Variants in SLCO1B3 observed in about 807,000 individuals in gnomAD.
SLCO1B3 encodes liver-specific organic anion transporter 2.
Under a neutral mutation model 71.8 loss-of-function variants are expected in SLCO1B3, and 72 were observed. The observed-to-expected ratio is 1.00, with a 90% confidence interval of 0.83 to 1.22. The LOEUF is 1.22. Ranked by LOEUF, SLCO1B3 falls within the 50% of genes most tolerant of loss-of-function variation. The pLI is 0.00. For synonymous variants in SLCO1B3, 298 were observed against 278.4 expected (o/e 1.07, Z -0.70); for missense variants, 911 against 819.7 (o/e 1.11, Z -1.36).
rs556554798 is a variant in SLCO1B3 at position 20,916,077 on chromosome 12, A to T, written c.1939A>T (p.Met647Leu). 6.2e-7 allele frequency: 1 copy of T among 1,612,314 alleles called. No individual in the cohort carries two copies. Among genetic ancestry groups the T allele is most frequent in the Non-Finnish European group, 8.5e-7 (1 of 1,178,562 alleles). The change falls in exon 16 of 16, where the codon ATG becomes TTG. Residue 647 changes from methionine (M) to leucine (L), a missense_variant. Met to Leu is a conservative substitution (Grantham distance 15). Transcript: ENST00000381545. ...LVLYIVFIFA[M>L]KKKFQGKDTK... Reference sequence around the variant, plus strand: ...TTTATATATTGTTTTCATTTTTGCTATGAAGAAAAAATTTCAAGGAAAAGA... The same window carrying T: ...TTTATATATTGTTTTCATTTTTGCTTTGAAGAAAAAATTTCAAGGAAAAGA...
intron 6 of SLCO1B3, among the ~76,000 whole-genome samples, chr12:20,861,482 C>G (rs562946963): frequency 6.6e-6 from 1 of 152,042 alleles, no homozygotes; most frequent in South Asian, 2.1e-4. Context: ...CTAGAACAAA[C>G]CTCCTAGTGT....
intron 4 of SLCO1B3, 84 bp downstream of exon 4, chr12:20,855,253 C>G (rs951609319): frequency 2.5e-6 from 3 of 1,177,138 alleles, no homozygotes; most frequent in Non-Finnish European, 2.4e-6. Flanking sequence ...ATCACTGGGT[C>G]TGGACTAGGT....
chr12:20,890,355 T>C (rs1490041799), intron 13 of SLCO1B3, among the ~76,000 whole-genome samples: 1 of 152,216 alleles, frequency 6.6e-6, no homozygotes, highest in Non-Finnish European at 1.5e-5. Context: ...TTTATTCCAC[T>C]GTACTCTGAA....
chr12:20,871,141 G>GT (rs1339500751), intron 8 of SLCO1B3, among the ~76,000 whole-genome samples: 1 of 152,038 alleles, frequency 6.6e-6, no homozygotes, highest in Admixed American at 6.6e-5. Context: ...TTGGCCTGTA[G>GT]TTTTTTTGAT....
intron 3 of SLCO1B3, among the ~76,000 whole-genome samples, chr12:20,848,100 G>A (rs1490193586): frequency 6.8e-6 from 1 of 146,424 alleles, no homozygotes; most frequent in East Asian, 2.0e-4. Context: ...TATTTAATAA[G>A]GGGCTGATAT....
chr12:20,840,574 G>A (rs1025360561), intron 3 of SLCO1B3, among the ~76,000 whole-genome samples: 7 of 151,884 alleles, frequency 4.6e-5, no homozygotes, highest in Admixed American at 3.9e-4. Context: ...GTATTTTTTA[G>A]TAGAGACGGG....
intron 3 of SLCO1B3, among the ~76,000 whole-genome samples, chr12:20,827,687 G>T (rs7976981): frequency 0.99 from 150,519 of 152,188 alleles, 74,442 homozygotes; most frequent in Middle Eastern, 1. Context: ...TTCTTCTGCC[G>T]CAGCCTCCCG....
intron 11 of SLCO1B3, 27 bp from the exon 12 acceptor site, chr12:20,880,828 T>G (rs955872586): frequency 3.3e-6 from 5 of 1,494,044 alleles, no homozygotes; most frequent in Non-Finnish European, 4.6e-6. Context: ...TCTCTTTTTT[T>G]GATATATTTC....
intron 10 of SLCO1B3, among the ~76,000 whole-genome samples, chr12:20,878,909 T>C (rs901515572): frequency 2.7e-5 from 4 of 146,212 alleles, no homozygotes; most frequent in African/African-American, 9.9e-5. Flanking sequence ...TTCTAAAGCC[T>C]GGGCAAAATT....
chr12:20,826,810 C>T (rs1234117757), intron 3 of SLCO1B3, among the ~76,000 whole-genome samples: 1 of 151,960 alleles, frequency 6.6e-6, no homozygotes, highest in Non-Finnish European at 1.5e-5. Context: ...GTTTCTTTCA[C>T]TTTGTTTCAT....
intron 8 of SLCO1B3, among the ~76,000 whole-genome samples, chr12:20,866,099 A>T (rs925226111): frequency 6.6e-6 from 1 of 152,152 alleles, no homozygotes; most frequent in Non-Finnish European, 1.5e-5. Flanking sequence ...GTGCTGTAAC[A>T]TCAACCTTAA....
chr12:20,860,445 A>G (rs1052112502), intron 5 of SLCO1B3, among the ~76,000 whole-genome samples: 4 of 152,142 alleles, frequency 2.6e-5, no homozygotes, highest in Non-Finnish European at 5.9e-5. Context: ...CTGGCACACT[A>G]TATGTTGTCC....
intron 9 of SLCO1B3, among the ~76,000 whole-genome samples, chr12:20,876,573 C>T (rs1025319083): frequency 2.0e-5 from 3 of 152,112 alleles, no homozygotes; most frequent in African/African-American, 7.2e-5. Flanking sequence ...TGTATTCACT[C>T]ATGAGAGTGG....
chr12:20,849,319 A>G (rs535237556), intron 3 of SLCO1B3, among the ~76,000 whole-genome samples: 4 of 152,142 alleles, frequency 2.6e-5, no homozygotes, highest in African/African-American at 7.2e-5. Context: ...CCACATGACC[A>G]TCTTACTAGA....
At chr12:20,877,575 C>CT (rs1431442076) in intron 9 of SLCO1B3, among the ~76,000 whole-genome samples, 197 bp from the exon 10 acceptor site, 2 of 152,056 alleles carry the variant, frequency 1.3e-5, no homozygotes, top group Non-Finnish European at 2.9e-5. Flanking sequence ...TAGATGACAT[C>CT]TGAGTTCCTA....
chr12:20,887,391 G>A (rs1865810863), intron 13 of SLCO1B3, among the ~76,000 whole-genome samples: 1 of 151,786 alleles, frequency 6.6e-6, no homozygotes, highest in Admixed American at 6.6e-5. Context: ...CTTGACTTTT[G>A]ACCTTGTAAT....
At chr12:20,891,668 A>C (rs1865906224) in intron 13 of SLCO1B3, among the ~76,000 whole-genome samples, 1 of 152,046 alleles carries the variant, frequency 6.6e-6, no homozygotes, top group South Asian at 2.1e-4. Flanking sequence ...ATGATTCATA[A>C]GTTTGTATGC....
intron 3 of SLCO1B3, among the ~76,000 whole-genome samples, chr12:20,826,975 T>C (rs1362943118): frequency 6.6e-6 from 1 of 152,184 alleles, no homozygotes; most frequent in Non-Finnish European, 1.5e-5. Context: ...TTTAAAGTTA[T>C]TTGTCTGTTA....
At chr12:20,862,664 G>A (rs765504982) in intron 7 of SLCO1B3, 92 bp from the exon 8 acceptor site, 122 of 1,434,434 alleles carry the variant, frequency 8.5e-5, no homozygotes, top group Non-Finnish European at 1.1e-4. Flanking sequence ...AATATTTGCA[G>A]AAGTGTATTG....
Sources: gnomAD v4.1 joint callset for allele counts (sites outside exome capture counted in the v4.1 genomes callset) on GRCh38, gnomAD v4.1.1 for gene constraint, MANE v1.5 for transcripts, NCBI Gene and HGNC (gene_info 2026-07-23, HGNC 2026-07-21) for gene names.